HEMK2: variants seen among roughly 807,000 people sequenced by gnomAD.
HEMK2 encodes methyltransferase HEMK2.
the HEMK2 span, among the ~76,000 whole-genome samples, chr21:28,675,061 C>T: frequency 6.6e-6 from 1 of 152,290 alleles, no homozygotes; most frequent in South Asian, 2.1e-4. Context: ...TACCTAAGGA[C>T]CTACGGGCTA....
the HEMK2 span, among the ~76,000 whole-genome samples, chr21:28,849,055 C>T: frequency 5.3e-5 from 8 of 152,346 alleles, no homozygotes; most frequent in South Asian, 1.2e-3. Flanking sequence ...ACAGATCCTA[C>T]AGCCACCACC....
chr21:28,727,070 G>C, the HEMK2 span, among the ~76,000 whole-genome samples: 67 of 152,166 alleles, frequency 4.4e-4, no homozygotes, highest in African/African-American at 1.5e-3. Flanking sequence ...ATCAAAGGAT[G>C]GAAGTAGGAA....
At chr21:28,844,312 C>CCT in the HEMK2 span, among the ~76,000 whole-genome samples, 8 of 151,990 alleles carry the variant, frequency 5.3e-5, no homozygotes, top group African/African-American at 1.7e-4. Context: ...TTCATATTAG[C>CCT]CTAATTCCAT....
the HEMK2 span, among the ~76,000 whole-genome samples, chr21:28,675,577 T>A: frequency 6.6e-6 from 1 of 152,230 alleles, no homozygotes; most frequent in South Asian, 2.1e-4. Context: ...GCTCAGGGCA[T>A]GCCCTTAGAA....
the HEMK2 span, chr21:28,882,288 C>A: frequency 6.7e-7 from 1 of 1,498,936 alleles, no homozygotes; most frequent in South Asian, 1.1e-5. Context: ...ATCCTATGTC[C>A]ATAAGGCAAA....
the HEMK2 span, among the ~76,000 whole-genome samples, chr21:28,743,737 T>C: frequency 6.6e-6 from 1 of 152,206 alleles, no homozygotes; most frequent in Non-Finnish European, 1.5e-5. Context: ...TAGAAGATGG[T>C]GAAAGTTGGA....
At chr21:28,865,759 C>T in the HEMK2 span, among the ~76,000 whole-genome samples, 1 of 151,738 alleles carries the variant, frequency 6.6e-6, no homozygotes, top group African/African-American at 2.4e-5. Context: ...TGCCTGAATC[C>T]CATTCTCCTT....
chr21:28,873,863 T>C, the HEMK2 span: 111 of 152,110 alleles, frequency 7.3e-4, no homozygotes, highest in Middle Eastern at 3.4e-3. Flanking sequence ...GTAAGACCTC[T>C]AGGCCAGCAG....
At chr21:28,740,054 C>T in the HEMK2 span, among the ~76,000 whole-genome samples, 2 of 152,228 alleles carry the variant, frequency 1.3e-5, no homozygotes, top group East Asian at 3.9e-4. Context: ...CTTGTCTTCC[C>T]CCAAAGAGTT....
the HEMK2 span, among the ~76,000 whole-genome samples, chr21:28,618,952 A>T: frequency 6.6e-6 from 1 of 152,184 alleles, no homozygotes; most frequent in African/African-American, 2.4e-5. Context: ...ACCTCACCGT[A>T]TGACTGTATT....
the HEMK2 span, among the ~76,000 whole-genome samples, chr21:28,773,768 C>T: frequency 0.016 from 2,479 of 152,232 alleles, 70 homozygotes; most frequent in African/African-American, 0.055. Context: ...TCAGATTCTC[C>T]ATGGTTTCTA....
At chr21:28,636,937 CAG>C in the HEMK2 span, among the ~76,000 whole-genome samples, 1 of 152,152 alleles carries the variant, frequency 6.6e-6, no homozygotes, top group Non-Finnish European at 1.5e-5. Flanking sequence ...AGCCACGTGA[CAG>C]AAGCCTCACA....
chr21:28,838,986 TATATATATATATATACATATATATAC>T, the HEMK2 span, among the ~76,000 whole-genome samples: 10 of 67,358 alleles, frequency 1.5e-4, 1 homozygote, highest in African/African-American at 8.0e-4. Context: ...TATATATATA[TATATATATATATATACATATATATAC>T]ACAATCTGCC....
chr21:28,745,302 A>G, the HEMK2 span, among the ~76,000 whole-genome samples: 3 of 152,322 alleles, frequency 2.0e-5, no homozygotes, highest in East Asian at 3.9e-4. Flanking sequence ...ATCGTTAACG[A>G]TATTTCCAGT....
chr21:28,876,703 G>C, the HEMK2 span, among the ~76,000 whole-genome samples: 2 of 152,136 alleles, frequency 1.3e-5, no homozygotes, highest in African/African-American at 4.8e-5. Context: ...AGTCTAATCA[G>C]AATAAATGGC....
chr21:28,752,764 C>G, the HEMK2 span, among the ~76,000 whole-genome samples: 3 of 152,068 alleles, frequency 2.0e-5, no homozygotes, highest in Non-Finnish European at 2.9e-5. Context: ...ATAAAGCCAG[C>G]TCTACATGCC....
At chr21:28,845,312 C>A in the HEMK2 span, among the ~76,000 whole-genome samples, 63 of 152,162 alleles carry the variant, frequency 4.1e-4, no homozygotes, top group African/African-American at 1.5e-3. Flanking sequence ...CTTTCCCAAC[C>A]ACATGATTAT....
the HEMK2 span, among the ~76,000 whole-genome samples, chr21:28,711,925 A>G: frequency 6.6e-6 from 1 of 152,134 alleles, no homozygotes; most frequent in African/African-American, 2.4e-5. Context: ...GGCAGAAAAG[A>G]GGGTGAGGCA....
the HEMK2 span, among the ~76,000 whole-genome samples, chr21:28,747,933 C>T: frequency 1.3e-5 from 2 of 152,152 alleles, no homozygotes; most frequent in Non-Finnish European, 2.9e-5. Context: ...ATCAGAGGAG[C>T]GTCTATGGCT....
Sources: allele counts gnomAD v4.1 joint callset (sites outside exome capture counted in the v4.1 genomes callset), GRCh38; gene constraint gnomAD v4.1.1; transcripts MANE v1.5; gene names NCBI Gene and HGNC (gene_info 2026-07-23, HGNC 2026-07-21).